Variants in MRPL33 observed in about 807,000 individuals in gnomAD.
The protein encoded by MRPL33 is mitochondrial ribosomal protein L33.
In MRPL33, 5 loss-of-function variants were observed where a neutral mutation model predicts 10.1. That is an observed-to-expected ratio of 0.49 (90% confidence interval 0.26 to 1.04). MRPL33 has a LOEUF of 1.04. Ranked by LOEUF, MRPL33 falls within the 50% of genes least tolerant of loss-of-function variation. MRPL33 has a pLI of 0.14. For missense variants in MRPL33, 79 were observed against 78.1 expected (o/e 1.01, Z -0.04); for synonymous variants, 24 against 27.7 (o/e 0.87, Z 0.42).
chr2:27,771,907 CT>C, intron 1 of MRPL33, 108 bp downstream of exon 1: 1 of 1,187,260 alleles, frequency 8.4e-7, no homozygotes, highest in African/African-American at 1.5e-5. Flanking sequence ...GGACGGGAAG[CT>C]GCAGCTGCGT....
intron 3 of MRPL33, among the ~76,000 whole-genome samples, chr2:27,776,567 G>A (rs889609403): frequency 9.2e-5 from 14 of 152,240 alleles, no homozygotes; most frequent in Non-Finnish European, 1.5e-4. Flanking sequence ...CCTTTTCCAC[G>A]TATAAAACTA....
chr2:27,771,931 C>T (rs1677056654), intron 1 of MRPL33, 132 bp downstream of exon 1: 2 of 957,364 alleles, frequency 2.1e-6, no homozygotes, highest in South Asian at 3.2e-5. Context: ...TTTTCCAGGC[C>T]TTCAGGACCA....
rs144360581 is a variant in MRPL33 at position 27,776,571 on chromosome 2, A to G, written c.148+2041A>G. 4.0e-3 allele frequency among the ~76,000 whole-genome samples: 604 copies of G among 152,384 alleles called. 4 individuals carry two copies. Among genetic ancestry groups the G allele is most frequent in the African/African-American group, 0.014 (579 of 41,590 alleles). ...CCTTTCGAATTCCTTTTCCACGTAT[A>G]AAACTAGATGCTAATTTCCGAAGAG... On this transcript the variant is annotated intron_variant, in intron 3 of 3. Transcript: ENST00000296102.
At chr2:27,775,416 A>G (rs1042650550) in intron 3 of MRPL33, among the ~76,000 whole-genome samples, 14 of 149,420 alleles carry the variant, frequency 9.4e-5, no homozygotes, top group African/African-American at 3.5e-4. Context: ...CAGTGGTACA[A>G]TTTCGGCTCA....
At position 27,779,665 on chromosome 2, in the gene MRPL33, A is replaced by G. The variant is rs1573026039; in HGVS notation, c.*183A>G. The G allele has an allele frequency of 3.7e-6, 4 of 1,095,748 alleles. No individual in the cohort carries two copies. The highest frequency in any genetic ancestry group is 2.7e-5 in the Admixed American group (1 of 36,702). The allele number at this position is 1,095,748 out of a possible 1,614,324, so 67.9% of individuals were successfully genotyped here. On this transcript the variant is annotated 3_prime_UTR_variant, in exon 4 of 4. Transcript: ENST00000296102. The stretch of plus-strand genomic sequence containing the variant: ...AAGAAAGTTCTTCATATTAGGACAG[A>G]TATCATTGCATCACATTTATTTATC...
Position 27,774,488 on chromosome 2 carries a change from C to T in MRPL33, c.106C>T (p.Arg36Ter), listed in dbSNP as rs1466743136. Residue 36 changes from arginine (R) to a stop codon, truncating the protein, a stop_gained, in exon 3 of 4, where the codon CGA becomes TGA. Transcript: ENST00000296102. LOFTEE classifies it high-confidence loss of function. ...TTTCTGCTTCAACACCAAGAGAAACCGACTGCGGGAAAAACTGACTCTTTT... is the reference window on the plus strand; with the variant it reads ...TTTCTGCTTCAACACCAAGAGAAACTGACTGCGGGAAAAACTGACTCTTTT... ...TGFCFNTKRN[R>*]LREKLTLLHY... The T allele has an allele frequency of 1.9e-6, 3 of 1,613,872 alleles. No individual in the cohort carries two copies. Among genetic ancestry groups the T allele is most frequent in the African/African-American group, 1.3e-5 (1 of 74,900 alleles).
At position 27,778,161 on chromosome 2, in the gene MRPL33, A is replaced by G. The variant is rs193220594; in HGVS notation, c.149-1272A>G. Among the ~76,000 whole-genome samples the G allele has an allele frequency of 7.0e-3, 1,060 of 152,376 alleles. 6 individuals are homozygous for G. Among genetic ancestry groups the G allele is most frequent in the Non-Finnish European group, 0.011 (728 of 68,036 alleles). Reference sequence around the variant, plus strand: ...AGTAGTTTTAAAAAATGTAGACTTCAGTCCAACTCTAGCCCTACTAAACCA... The same window carrying G: ...AGTAGTTTTAAAAAATGTAGACTTCGGTCCAACTCTAGCCCTACTAAACCA... On this transcript the variant is annotated intron_variant, in intron 3 of 3. Coordinates refer to ENST00000296102, the MANE Select transcript of MRPL33 (RefSeq NM_004891.4).
intron 3 of MRPL33, 41 bp from the exon 4 acceptor site, chr2:27,779,392 T>C: frequency 1.3e-6 from 2 of 1,576,894 alleles, no homozygotes; most frequent in Non-Finnish European, 1.7e-6. Context: ...GCGATGATAC[T>C]TAATAATTTT....
At chr2:27,774,806 G>A (rs189710640) in intron 3 of MRPL33, among the ~76,000 whole-genome samples, 11 of 152,332 alleles carry the variant, frequency 7.2e-5, no homozygotes, top group African/African-American at 2.4e-4. Flanking sequence ...AGGATGCTGA[G>A]GTGTAGGATG....
chr2:27,774,434 G>A lies in MRPL33; in HGVS notation c.52G>A (p.Val18Met). Residue 18 changes from valine (V) to methionine (M), a missense_variant, in exon 3 of 4, where the codon GTG (valine) becomes ATG (methionine). Coordinates refer to ENST00000296102, the MANE Select transcript of MRPL33 (RefSeq NM_004891.4). ...FAKSKSKNIL[V>M]RMVSEAGTGF... ...ACTTTTTAATCTTAGAAACATTCTG[G>A]TGAGAATGGTGAGCGAAGCTGGGAC... 1 of 1,613,542 alleles carries A rather than the reference G, an allele frequency of 6.2e-7. No individual in the cohort carries two copies. The highest frequency in any genetic ancestry group is 8.5e-7 in the Non-Finnish European group (1 of 1,179,436).
At position 27,774,475 on chromosome 2, in the gene MRPL33, C is replaced by T. The variant is rs1677111410; in HGVS notation, c.93C>T (p.Asn31=). ...AAGCTGGGACAGGTTTCTGCTTCAA[C>T]ACCAAGAGAAACCGACTGCGGGAAA... is the stretch of plus-strand genomic sequence containing the variant. ...VSEAGTGFCF[N]TKRNRLREKL... is the part of the protein sequence containing the mutation. The change falls in exon 3 of 4, where the codon AAC becomes AAT. Residue 31 remains asparagine (N), a synonymous_variant. Coordinates refer to ENST00000296102, the MANE Select transcript of MRPL33 (RefSeq NM_004891.4). 1 of 1,614,156 alleles carries T rather than the reference C, an allele frequency of 6.2e-7. No homozygotes were observed. The highest frequency in any genetic ancestry group is 8.5e-7 in the Non-Finnish European group (1 of 1,179,998).
intron 3 of MRPL33, among the ~76,000 whole-genome samples, 153 bp from the exon 4 acceptor site, chr2:27,779,280 G>A (rs533416976): frequency 2.0e-5 from 3 of 152,246 alleles, no homozygotes; most frequent in South Asian, 2.1e-4. Flanking sequence ...TCCTGGGATG[G>A]AGGAACTGAG....
At chr2:27,776,913 TA>T (rs1396711191) in intron 3 of MRPL33, among the ~76,000 whole-genome samples, 1 of 152,238 alleles carries the variant, frequency 6.6e-6, no homozygotes, top group Non-Finnish European at 1.5e-5. Flanking sequence ...GGGAGATAGT[TA>T]TCTCTCCCAC....
intron 3 of MRPL33, 124 bp from the exon 4 acceptor site, chr2:27,779,309 C>G: frequency 8.2e-7 from 1 of 1,221,104 alleles, no homozygotes; most frequent in South Asian, 1.6e-5. Flanking sequence ...TCAGCTCCAT[C>G]TTCATATCAA....
Position 27,774,466 on chromosome 2 carries a change from C to G in MRPL33, c.84C>G (p.Phe28Leu), listed in dbSNP as rs1222198309. Residue 28 changes from phenylalanine (F) to leucine (L), a missense_variant, in exon 3 of 4, where the codon TTC (phenylalanine) becomes TTG (leucine). Coordinates refer to ENST00000296102, the MANE Select transcript of MRPL33 (RefSeq NM_004891.4). The stretch of plus-strand genomic sequence containing the variant: ...TGGTGAGCGAAGCTGGGACAGGTTT[C>G]TGCTTCAACACCAAGAGAAACCGAC... ...VRMVSEAGTG[F>L]CFNTKRNRLR... The G allele has an allele frequency of 6.2e-7, 1 of 1,614,144 alleles. No homozygotes were observed. The highest frequency in any genetic ancestry group is 1.7e-5 in the Admixed American group (1 of 60,014).
At chr2:27,774,905 TGAGAAA>T (rs1204748008) in intron 3 of MRPL33, among the ~76,000 whole-genome samples, 1 of 151,984 alleles carries the variant, frequency 6.6e-6, no homozygotes, top group East Asian at 1.9e-4. Context: ...GACCTGAAGG[TGAGAAA>T]CCAGCTATGT....
chr2:27,776,419 T>A (rs948280013), intron 3 of MRPL33, among the ~76,000 whole-genome samples: 1 of 152,270 alleles, frequency 6.6e-6, no homozygotes, highest in Non-Finnish European at 1.5e-5. Flanking sequence ...AGTAAATTGT[T>A]AAGTTTGAGG....
chr2:27,774,396 TA>T, intron 2 of MRPL33, 27 bp from the exon 3 acceptor site: 1 of 1,585,962 alleles, frequency 6.3e-7, no homozygotes, highest in Non-Finnish European at 8.7e-7. Flanking sequence ...CGTCAGCTCG[TA>T]CATAACAGCG....
In MRPL33 at chr2:27,779,476, C is replaced by T; in HGVS notation, c.192C>T (p.Ser64=). The T allele has an allele frequency of 6.2e-7, 1 of 1,613,006 alleles. No homozygotes were observed. Among genetic ancestry groups the T allele is most frequent in the Admixed American group, 1.7e-5 (1 of 59,776 alleles). The change falls in exon 4 of 4, where the codon TCC becomes TCT. Residue 64 remains serine (S), a synonymous_variant. Coordinates refer to ENST00000296102, the MANE Select transcript of MRPL33 (RefSeq NM_004891.4). The part of the protein sequence containing the change: ...VLFVEKKKIR[S]L ...TCGTGGAAAAGAAAAAAATACGCTC[C>T]CTTTAAACGGTGGATTGAAAATGAC...
Sources: gnomAD v4.1 joint callset for allele counts (sites outside exome capture counted in the v4.1 genomes callset) on GRCh38, gnomAD v4.1.1 for gene constraint, MANE v1.5 for transcripts, NCBI Gene and HGNC (gene_info 2026-07-23, HGNC 2026-07-21) for gene names.